RPS4Y2: variants seen among roughly 807,000 people sequenced by gnomAD.
RPS4Y2 encodes ribosomal protein S4 Y-linked 2.
A neutral mutation model predicts 5.0 loss-of-function variants in RPS4Y2; 6 were observed. The ratio of observed to expected loss-of-function variants is 1.20; its 90% CI spans 0.66 to 2.37. The LOEUF (loss-of-function observed/expected upper bound fraction) is 2.37. Among genes scored for constraint, RPS4Y2 ranks in the 30% most tolerant of loss-of-function variants. RPS4Y2 has a pLI of 0.00. For missense variants in RPS4Y2, 80 were observed against 59.5 expected, an observed-to-expected ratio of 1.34 and a Z score of -1.13; for synonymous variants, 19 against 19.9, an observed-to-expected ratio of 0.96 and a Z score of 0.12.
At chrY:20,760,171 T>G in intron 3 of RPS4Y2, 123 bp downstream of exon 3, 1 of 185,990 alleles carries the variant, frequency 5.4e-6, no homozygotes, top group Non-Finnish European at 9.7e-6. Context: ...CATGAGTTAC[T>G]GCTGGTCATT....
At position 20,756,120 on chromosome Y, in the gene RPS4Y2, T is replaced by C; in HGVS notation, c.-44T>C. On this transcript the variant is annotated 5_prime_UTR_variant, in exon 1 of 7. Coordinates refer to ENST00000629237, the MANE Select transcript of RPS4Y2 (RefSeq NM_001039567.3). The stretch of plus-strand genomic sequence containing the variant: ...GCTGTTTATCACCGCAGATTACGGT[T>C]GCACCGTAAAAGGAGAGGTTCTGTT... 1 of 385,150 alleles carries C rather than the reference T, an allele frequency of 2.6e-6. No homozygotes were observed. The highest frequency in any genetic ancestry group is 3.7e-6 in the Non-Finnish European group (1 of 270,839).
rs1224772233 is a variant in RPS4Y2 at position 20,780,971 on chromosome Y, T to A, written c.731T>A (p.Ile244Asn). 1.8e-5 allele frequency: 7 copies of A among 395,814 alleles called. No homozygotes were observed. The highest frequency in any genetic ancestry group is 2.5e-5 in the Non-Finnish European group (7 of 280,968). The change falls in exon 7 of 7, where the codon ATC becomes AAC. Residue 244 changes from isoleucine to asparagine, a missense_variant. Coordinates refer to ENST00000629237, the MANE Select transcript of RPS4Y2 (RefSeq NM_001039567.3). ...PWISLPRGKGIRLTIAEERDK... is the reference protein window; with the variant it reads ...PWISLPRGKGNRLTIAEERDK... ...ATTTCCCTGCCCAGGGGAAAGGGCA[T>A]CCGACTTACTATTGCTGAAGAGAGA... is the stretch of plus-strand genomic sequence containing the variant.
In RPS4Y2 at chrY:20,768,994, G is replaced by GA; in HGVS notation, c.532+18_532+19insA. 3.4e-6 allele frequency: 1 copy of GA among 296,977 alleles called. No homozygotes were observed. Among genetic ancestry groups the GA allele is most frequent in the Non-Finnish European group, 4.8e-6 (1 of 207,410 alleles). The allele number at this position is 296,977 out of a possible 400,897, so 74.1% of individuals were successfully genotyped here. ...TGACACAGGTAAGGTTTTTTTTGTT[G>GA]TTTTTTTTTTCCCTTGTCTGTTGGC... is the stretch of plus-strand genomic sequence containing the variant. On this transcript the variant is annotated intron_variant, in intron 5 of 6. Coordinates refer to ENST00000629237, the MANE Select transcript of RPS4Y2 (RefSeq NM_001039567.3).
Position 20,780,947 on chromosome Y carries a change from T to C in RPS4Y2, c.707T>C (p.Ile236Thr). 2.6e-6 allele frequency: 1 copy of C among 389,011 alleles called. No homozygotes were observed. The highest frequency in any genetic ancestry group is 3.6e-6 in the Non-Finnish European group (1 of 275,098). Residue 236 changes from isoleucine to threonine, a missense_variant, in exon 7 of 7, where the codon ATT becomes ACT. Transcript: ENST00000629237. ...FVIGNGNKPW[I>T]SLPRGKGIRL... The stretch of plus-strand genomic sequence containing the variant: ...CAATTACAGGGTAATAAACCTTGGA[T>C]TTCCCTGCCCAGGGGAAAGGGCATC...
chrY:20,761,301 A>G lies in RPS4Y2; in HGVS notation c.280A>G (p.Lys94Glu). ...GTGATCAGATGTCATCAGCATTGAG[A>G]AAACAGGTGAGCATTTCCGCCTGGT... ...AGFIDVISIE[K>E]TGEHFRLVYN... Residue 94 changes from lysine to glutamate, a missense_variant, in exon 4 of 7, where the codon AAA becomes GAA. Coordinates refer to ENST00000629237, the MANE Select transcript of RPS4Y2 (RefSeq NM_001039567.3). 2.5e-6 allele frequency: 1 copy of G among 392,457 alleles called. No individual in the cohort carries two copies.
chrY:20,768,692 C>T, intron 4 of RPS4Y2, 113 bp from the exon 5 acceptor site: 1 of 189,861 alleles, frequency 5.3e-6, no homozygotes, highest in Non-Finnish European at 9.8e-6. Flanking sequence ...TTTCCAAGAG[C>T]ACTCCCTCTG....
chrY:20,756,199 C>A (rs1447058173), intron 1 of RPS4Y2, 33 bp downstream of exon 1: 1 of 387,632 alleles, frequency 2.6e-6, no homozygotes, highest in Non-Finnish European at 3.7e-6. Context: ...CCGGATTTAT[C>A]TGCCTCCATC....
chrY:20,779,366 A>G, intron 5 of RPS4Y2, 143 bp from the exon 6 acceptor site: 3 of 157,698 alleles, frequency 1.9e-5, no homozygotes, highest in Non-Finnish European at 3.5e-5. Context: ...TAGTGACAAG[A>G]GTTCTTGACA....
intron 5 of RPS4Y2, 52 bp from the exon 6 acceptor site, chrY:20,779,457 T>G: frequency 2.9e-6 from 1 of 341,423 alleles, no homozygotes; most frequent in Non-Finnish European, 4.1e-6. Context: ...ACAGCAGGCC[T>G]CTATCTGGTT....
rs755146218 is a variant in RPS4Y2, at chrY:20,780,934, A to G, written c.694A>G (p.Asn232Asp). 3 of 368,666 alleles carry G rather than the reference A, an allele frequency of 8.1e-6. No homozygotes were observed. The highest frequency in any genetic ancestry group is 6.1e-5 in the South Asian group (2 of 32,814). 92.0% of individuals were successfully genotyped at this position (368,666 alleles called of 400,897 possible). A position where few individuals can be genotyped will look rare whatever the true frequency, so the allele number is the denominator to read the frequency against. The change falls in exon 7 of 7, where the codon AAT (asparagine) becomes GAT (aspartate). Residue 232 changes from asparagine to aspartate, a missense_variant. By Grantham distance (23) the Asn-to-Asp change is conservative. Coordinates refer to ENST00000629237, the MANE Select transcript of RPS4Y2 (RefSeq NM_001039567.3). The part of the protein sequence containing the change: ...ISNIFVIGNG[N>D]KPWISLPRGK... The stretch of plus-strand genomic sequence containing the variant: ...TTTATCTCCTTCTCAATTACAGGGT[A>G]ATAAACCTTGGATTTCCCTGCCCAG...
chrY:20,759,811 T>C (rs1043501101), intron 2 of RPS4Y2, 57 bp from the exon 3 acceptor site: 1 of 349,635 alleles, frequency 2.9e-6, no homozygotes. Flanking sequence ...CTACTCAATC[T>C]GGTTATGTAA....
chrY:20,760,045 A>G lies in RPS4Y2; in HGVS notation c.259A>G (p.Ile87Val). The part of the protein sequence containing the change: ...RVDITYPAGF[I>V]DVISIEKTGE... ...GGACATCACATACCCTGCTGGATTC[A>G]TAGGTAAGGAAAGAGTTCTTTGTTT... The change falls in exon 3 of 7, where the codon ATA (isoleucine) becomes GTA (valine). Residue 87 changes from isoleucine to valine, a missense_variant. Coordinates refer to ENST00000629237, the MANE Select transcript of RPS4Y2 (RefSeq NM_001039567.3). The G allele has an allele frequency of 5.1e-6, 2 of 394,677 alleles. No individual in the cohort carries two copies. The highest frequency in any genetic ancestry group is 3.0e-5 in the South Asian group (1 of 33,678).
chrY:20,756,693 G>T (rs1022149007), intron 1 of RPS4Y2, 85 bp from the exon 2 acceptor site: 452 of 240,573 alleles, frequency 1.9e-3, no homozygotes, highest in Non-Finnish European at 3.0e-3. Flanking sequence ...GGTATTACCC[G>T]TTAGCAGTTG....
chrY:20,760,110 C>T, intron 3 of RPS4Y2, 62 bp downstream of exon 3: 4 of 290,712 alleles, frequency 1.4e-5, no homozygotes, highest in Non-Finnish European at 2.1e-5. Context: ...AGGTGTGAGG[C>T]TTACATGTTG....
chrY:20,756,197 A>T lies in RPS4Y2; in HGVS notation c.3+31A>T, dbSNP rs746677772. 109 of 386,903 alleles carry T rather than the reference A, an allele frequency of 2.8e-4. No individual in the cohort carries two copies. The Admixed American group carries it at 8.0e-3, about 28-fold the overall frequency. On this transcript the variant is annotated intron_variant, in intron 1 of 6. Coordinates refer to ENST00000629237, the MANE Select transcript of RPS4Y2 (RefSeq NM_001039567.3). ...ACGTCTGCGTCCTAGCTCCGGATTTATCTGCCTCCATCCTTTGAAGAAGGG... is the reference window on the plus strand; with the variant it reads ...ACGTCTGCGTCCTAGCTCCGGATTTTTCTGCCTCCATCCTTTGAAGAAGGG...
Position 20,756,118 on chromosome Y carries a change from G to A in RPS4Y2, c.-46G>A. The A allele has an allele frequency of 2.6e-6, 1 of 389,825 alleles. No homozygotes were observed. Among genetic ancestry groups the A allele is most frequent in the Non-Finnish European group, 3.6e-6 (1 of 275,296 alleles). ...CCGCTGTTTATCACCGCAGATTACG[G>A]TTGCACCGTAAAAGGAGAGGTTCTG... On this transcript the variant is annotated 5_prime_UTR_variant, in exon 1 of 7. Coordinates refer to ENST00000629237, the MANE Select transcript of RPS4Y2 (RefSeq NM_001039567.3).
intron 5 of RPS4Y2, 29 bp downstream of exon 5, chrY:20,769,005 C>G (rs748628726): frequency 3.5e-6 from 1 of 283,200 alleles, no homozygotes; most frequent in Non-Finnish European, 5.4e-6. Context: ...TTTTTTTTTT[C>G]CCTTGTCTGT....
rs371768740 is a variant in RPS4Y2 at position 20,761,326 on chromosome Y, T to A, written c.305T>A (p.Val102Asp). Residue 102 changes from valine to aspartate, a missense_variant, in exon 4 of 7, where the codon GTC becomes GAC. Coordinates refer to ENST00000629237, the MANE Select transcript of RPS4Y2 (RefSeq NM_001039567.3). ...AAAACAGGTGAGCATTTCCGCCTGG[T>A]CTATAATACCAAGGGCTGTTTTGCT... Reference protein sequence around the residue: ...IEKTGEHFRLVYNTKGCFAVH... With the variant: ...IEKTGEHFRLDYNTKGCFAVH... The A allele has an allele frequency of 2.5e-6, 1 of 395,420 alleles. No homozygotes were observed. Among genetic ancestry groups the A allele is most frequent in the Non-Finnish European group, 3.6e-6 (1 of 280,508 alleles).
In RPS4Y2 at chrY:20,768,887, G is replaced by A; in HGVS notation, c.443G>A (p.Arg148His). The change falls in exon 5 of 7, where the codon CGC becomes CAC. Residue 148 changes from arginine (R) to histidine (H), a missense_variant. Physicochemically the swap from Arg to His is conservative, Grantham distance 29. Transcript: ENST00000629237. ...HLVTHDARTI[R>H]YPDPLIKVND... The stretch of plus-strand genomic sequence containing the variant: ...GTGACTCATGATGCTCGAACCATTC[G>A]CTACCCAGATCCTCTCATCAAGGTG... 2 of 387,147 alleles carry A rather than the reference G, an allele frequency of 5.2e-6. No individual in the cohort carries two copies. The highest frequency in any genetic ancestry group is 7.3e-6 in the Non-Finnish European group (2 of 273,073).
Sources: gnomAD v4.1 joint callset for allele counts on GRCh38, gnomAD v4.1.1 for gene constraint, MANE v1.5 for transcripts, NCBI Gene and HGNC (gene_info 2026-07-23, HGNC 2026-07-21) for gene names.